MTMR8: variants seen among roughly 807,000 people sequenced by gnomAD.
The protein encoded by MTMR8 is phosphatidylinositol-3,5-bisphosphate 3-phosphatase MTMR8.
MTMR8 carries 65 observed loss-of-function variants against 39.3 expected under a neutral mutation model. That is an observed-to-expected ratio of 1.65 (90% CI 1.35 to 2.03). The LOEUF (loss-of-function observed/expected upper bound fraction) is 2.03, where lower values mean the gene tolerates loss of function less well. Among genes scored for constraint, MTMR8 ranks in the 30% most tolerant of loss-of-function variants. The probability of loss-of-function intolerance (pLI) is 0.00; values close to 1 mark genes in which losing one functional copy is unlikely to be tolerated. For synonymous variants in MTMR8, 245 were observed against 185.2 expected, an observed-to-expected ratio of 1.32 and a Z score of -2.62; for missense variants, 777 against 538.9, an observed-to-expected ratio of 1.44 and a Z score of -4.37.
intron 12 of MTMR8, among the ~76,000 whole-genome samples, chrX:64,311,914 G>T (rs1254350747): frequency 9.0e-6 from 1 of 110,766 alleles, no homozygotes; most frequent in Non-Finnish European, 1.9e-5. Context: ...TAGCCTTGTA[G>T]AATAGTTTGA....
rs1923627009 is a variant in MTMR8, at chrX:64,356,392, A to C, written c.148-54T>G. ...CATACAGATGTGCAATATCTCTATC[A>C]CTATCAGTATTCCTGACTCTCCGTA... On this transcript the variant is annotated intron_variant, in intron 2 of 13. Transcript: ENST00000374852. The C allele has an allele frequency of 2.8e-6, 3 of 1,066,699 alleles. No homozygotes were observed. The Admixed American group carries it at 8.0e-5, about 28-fold the overall frequency. 87.9% of individuals were successfully genotyped at this position (1,066,699 alleles called of 1,213,427 possible).
chrX:64,307,788 G>T (rs1414290963), intron 12 of MTMR8, among the ~76,000 whole-genome samples: 1 of 112,190 alleles, frequency 8.9e-6, no homozygotes, highest in Non-Finnish European at 1.9e-5. Context: ...AATTTGGGAA[G>T]GGCTGACATT....
chrX:64,331,420 A>G (rs773012202), intron 11 of MTMR8, 137 bp downstream of exon 11: 2 of 505,705 alleles, frequency 4.0e-6, no homozygotes, highest in African/African-American at 4.8e-5. Context: ...TGAGTGCTTT[A>G]TGCTTCAAAA....
At chrX:64,322,731 A>C (rs1341935252) in intron 12 of MTMR8, among the ~76,000 whole-genome samples, 1 of 112,020 alleles carries the variant, frequency 8.9e-6, no homozygotes, top group African/African-American at 3.2e-5. Flanking sequence ...ACACCACCTT[A>C]GTGGTGGTGC....
At chrX:64,349,622 C>A (rs1480916110) in intron 5 of MTMR8, among the ~76,000 whole-genome samples, 1 of 111,144 alleles carries the variant, frequency 9.0e-6, no homozygotes, top group Admixed American at 9.6e-5. Flanking sequence ...GCCACAGCCC[C>A]CAAAAAATCC....
intron 12 of MTMR8, among the ~76,000 whole-genome samples, chrX:64,282,373 G>A (rs372680032): frequency 2.2e-4 from 24 of 111,364 alleles, no homozygotes; most frequent in African/African-American, 7.2e-4. Flanking sequence ...AGGGGTGGGG[G>A]TAGGGAGAGC....
chrX:64,340,838 C>A (rs887229462), intron 8 of MTMR8, among the ~76,000 whole-genome samples: 24 of 111,609 alleles, frequency 2.2e-4, no homozygotes, highest in Non-Finnish European at 4.3e-4. Flanking sequence ...AAATCTATCA[C>A]CTATCACATT....
At position 64,343,757 on chromosome X, in the gene MTMR8, A is replaced by G. The variant is rs1221584216; in HGVS notation, c.866-37T>C. 3 of 971,145 alleles carry G rather than the reference A, an allele frequency of 3.1e-6. No homozygotes were observed. The African/African-American group carries it at 5.7e-5, about 19-fold the overall frequency. The allele number at this position is 971,145 out of a possible 1,213,427, so 80.0% of individuals were successfully genotyped here. ...AAGGAAGCAGAGATTGAAATTCACAATCAACTCAGTTTATTCATTAAGGGG... is the reference window on the plus strand; with the variant it reads ...AAGGAAGCAGAGATTGAAATTCACAGTCAACTCAGTTTATTCATTAAGGGG... On this transcript the variant is annotated intron_variant, in intron 7 of 13. Transcript: ENST00000374852.
intron 12 of MTMR8, among the ~76,000 whole-genome samples, chrX:64,297,850 A>G (rs1382969611): frequency 1.8e-5 from 2 of 108,974 alleles, no homozygotes; most frequent in South Asian, 4.0e-4. Context: ...TCCTTTCCCC[A>G]TTGCTTGTTT....
At chrX:64,361,795 G>A (rs187028390) in intron 1 of MTMR8, among the ~76,000 whole-genome samples, 1 of 110,958 alleles carries the variant, frequency 9.0e-6, no homozygotes, top group African/African-American at 3.3e-5. Context: ...AACTATTACT[G>A]CTATTGTTTT....
chrX:64,351,291 C>T (rs1262853022), intron 4 of MTMR8, among the ~76,000 whole-genome samples: 1 of 111,332 alleles, frequency 9.0e-6, no homozygotes, highest in Non-Finnish European at 1.9e-5. Context: ...TGCGAAGTCA[C>T]AGCTCATCAA....
At chrX:64,284,200 G>A (rs192505573) in intron 12 of MTMR8, among the ~76,000 whole-genome samples, 119 of 112,043 alleles carry the variant, frequency 1.1e-3, no homozygotes, top group African/African-American at 3.7e-3. Context: ...TAGATGATTC[G>A]ATCAATTGGA....
intron 2 of MTMR8, among the ~76,000 whole-genome samples, chrX:64,357,965 G>A (rs995337323): frequency 9.0e-6 from 1 of 111,053 alleles, no homozygotes; most frequent in Non-Finnish European, 1.9e-5. Flanking sequence ...TCCCTAATTG[G>A]GTAAATAAGC....
At chrX:64,384,925 C>A (rs1346652682) in intron 1 of MTMR8, among the ~76,000 whole-genome samples, 1 of 112,390 alleles carries the variant, frequency 8.9e-6, no homozygotes, top group Non-Finnish European at 1.9e-5. Flanking sequence ...CATTTGAATT[C>A]TTCTTCTGAA....
intron 5 of MTMR8, among the ~76,000 whole-genome samples, chrX:64,349,006 C>T (rs1235835828): frequency 1.8e-5 from 2 of 111,474 alleles, no homozygotes; most frequent in Non-Finnish European, 3.8e-5. Flanking sequence ...AATTTCCAAC[C>T]CAGTCTTGGT....
Position 64,320,026 on chromosome X carries a change from C to T in MTMR8, c.1481+8746G>A, listed in dbSNP as rs938397479. ...GCCATTTTCACGATATTGATTCTTG[C>T]TATCCATGAGCATGGAATGTTCTTC... On this transcript the variant is annotated intron_variant, in intron 12 of 13. Transcript: ENST00000374852. Among the ~76,000 whole-genome samples the T allele has an allele frequency of 8.3e-4, 93 of 111,511 alleles. 1 individual carries two copies. Among genetic ancestry groups the T allele is most frequent in the Non-Finnish European group, 1.4e-3 (75 of 53,115 alleles).
chrX:64,345,372 TA>T (rs978796037), intron 6 of MTMR8, among the ~76,000 whole-genome samples, 195 bp from the exon 7 acceptor site: 2 of 111,832 alleles, frequency 1.8e-5, no homozygotes, highest in African/African-American at 6.5e-5. Flanking sequence ...CAGACTCATA[TA>T]GGGGAAAAAT....
intron 2 of MTMR8, 46 bp downstream of exon 2, chrX:64,359,359 T>C: frequency 8.6e-7 from 1 of 1,160,616 alleles, no homozygotes; most frequent in Non-Finnish European, 1.2e-6. Flanking sequence ...AGAGCATGTA[T>C]GCACAACTCT....
intron 13 of MTMR8, among the ~76,000 whole-genome samples, chrX:64,269,725 T>C (rs1403310961): frequency 9.0e-6 from 1 of 111,180 alleles, no homozygotes; most frequent in Admixed American, 9.6e-5. Context: ...GGGAGTCTTT[T>C]AAACTTTTCA....
Sources: gnomAD v4.1 joint callset for allele counts (sites outside exome capture counted in the v4.1 genomes callset) on GRCh38, gnomAD v4.1.1 for gene constraint, MANE v1.5 for transcripts, NCBI Gene and HGNC (gene_info 2026-07-23, HGNC 2026-07-21) for gene names.